The following CAMTA1 variants were observed in gnomAD, a reference collection of about 807,000 sequenced individuals.
CAMTA1 encodes calmodulin-binding transcription activator 1.
CAMTA1 carries 27 observed loss-of-function variants against 170.9 expected under a neutral mutation model. The observed-to-expected ratio is 0.16, with a 90% CI of 0.12 to 0.22. The LOEUF is 0.22. CAMTA1 is among the 10% of genes least tolerant of loss of function. CAMTA1 has a pLI of 1.00. For synonymous variants in CAMTA1, 833 were observed against 891.5 expected (o/e 0.93, Z 1.17); for missense variants, 1,619 against 2,217.2 (o/e 0.73, Z 5.42).
chr1:7,551,028 C>T (rs1194502906), intron 6 of CAMTA1, among the ~76,000 whole-genome samples: 1 of 152,198 alleles, frequency 6.6e-6, no homozygotes, highest in Non-Finnish European at 1.5e-5. Context: ...GGAACAGATG[C>T]AGAGACAACC....
intron 5 of CAMTA1, among the ~76,000 whole-genome samples, chr1:7,431,052 T>C (rs1413862992): frequency 6.6e-6 from 1 of 152,244 alleles, no homozygotes. Context: ...AACCTTGTGA[T>C]GACAGTTAAG....
chr1:7,627,770 A>G (rs748460767), intron 6 of CAMTA1, among the ~76,000 whole-genome samples: 4 of 152,210 alleles, frequency 2.6e-5, no homozygotes, highest in Non-Finnish European at 5.9e-5. Flanking sequence ...TTATGTGTAA[A>G]GCAGATGGGG....
At chr1:7,442,440 AG>A (rs1173405152) in intron 5 of CAMTA1, among the ~76,000 whole-genome samples, 3 of 152,178 alleles carry the variant, frequency 2.0e-5, no homozygotes, top group African/African-American at 7.2e-5. Context: ...AAATATGCAT[AG>A]ATGAGCAGGC....
At chr1:6,828,897 T>A (rs1010001139) in intron 3 of CAMTA1, among the ~76,000 whole-genome samples, 1 of 145,202 alleles carries the variant, frequency 6.9e-6, no homozygotes, top group African/African-American at 2.6e-5. Context: ...GTAGTTTTTT[T>A]TTTTTTTTTT....
intron 8 of CAMTA1, 48 bp from the exon 9 acceptor site, chr1:7,663,305 C>T: frequency 6.6e-7 from 1 of 1,513,170 alleles, no homozygotes; most frequent in African/African-American, 1.4e-5. Context: ...TGTGTGTGCA[C>T]ATGTGTGCCT....
rs1224872929 is a variant in CAMTA1, at chr1:7,064,766, T to C, written c.235-26538T>C. Among the ~76,000 whole-genome samples, 1 of 151,830 alleles carries C rather than the reference T, an allele frequency of 6.6e-6. No homozygotes were observed. Among genetic ancestry groups the C allele is most frequent in the African/African-American group, 2.4e-5 (1 of 41,326 alleles). On this transcript the variant is annotated intron_variant, in intron 3 of 22. Transcript: ENST00000303635. The surrounding 1 kb of genome is among the most constrained non-coding windows in gnomAD (Gnocchi z 5.4). ...GGTGGGGGAGGTGGCAGGAGTCCCA[T>C]TCGGGGCATGGTGGGGGCTGTAGGA... is the stretch of plus-strand genomic sequence containing the variant.
intron 3 of CAMTA1, among the ~76,000 whole-genome samples, chr1:7,017,787 A>T (rs1700764864): frequency 6.6e-6 from 1 of 151,976 alleles, no homozygotes; most frequent in South Asian, 2.1e-4. Flanking sequence ...CCCAAGCCTG[A>T]CCCCTGCCTG....
In CAMTA1 at chr1:6,902,072, C is replaced by CACACACA. The variant is rs3986505; in HGVS notation, c.234+76863_234+76864insCACACAA. On this transcript the variant is annotated intron_variant, in intron 3 of 22. Transcript: ENST00000303635. ...ACACACACACACACACACACACACA[C>CACACACA]AAAAAAAAAAATAAAAATAAAAACT... 2.8e-3 allele frequency among the ~76,000 whole-genome samples: 249 copies of CACACACA among 88,464 alleles called. 1 individual carries two copies. The highest frequency in any genetic ancestry group is 4.2e-3 in the South Asian group (10 of 2,356). 58.0% of individuals were successfully genotyped at this position (88,464 alleles called of 152,430 possible).
At chr1:7,517,283 A>G (rs1483194569) in intron 6 of CAMTA1, among the ~76,000 whole-genome samples, 2 of 152,300 alleles carry the variant, frequency 1.3e-5, no homozygotes, top group African/African-American at 4.8e-5. Flanking sequence ...GTCTGGTTAT[A>G]CCCTTGGGAT....
chr1:6,963,063 G>A (rs1690786073), intron 3 of CAMTA1, among the ~76,000 whole-genome samples: 1 of 150,610 alleles, frequency 6.6e-6, no homozygotes, highest in African/African-American at 2.4e-5. Flanking sequence ...CTTCTCCTCT[G>A]GACCAACCCC....
rs1008446225 is a variant in CAMTA1, at chr1:7,534,816, G to A, written c.510+66915G>A. Among the ~76,000 whole-genome samples, 2 of 152,264 alleles carry A rather than the reference G, an allele frequency of 1.3e-5. No individual in the cohort carries two copies. The highest frequency in any genetic ancestry group is 2.4e-5 in the African/African-American group (1 of 41,472). On this transcript the variant is annotated intron_variant, in intron 6 of 22. Coordinates refer to ENST00000303635, the MANE Select transcript of CAMTA1 (RefSeq NM_015215.4). This position sits in a 1 kb window ranked among gnomAD's most constrained non-coding sequence, Gnocchi z 5.6. ...CAACTTTAGAGAAAGGCCAGCGAAA[G>A]TGAGGTTTATGGCTTGTCCCTGAGG...
chr1:7,562,531 C>T lies in CAMTA1; in HGVS notation c.511-77869C>T, dbSNP rs187568310. ...CCTGCGACACCTGTCCTGCTGCTCC[C>T]CTTGACAGCTACCTGGCCCCTGACA... is the stretch of plus-strand genomic sequence containing the variant. On this transcript the variant is annotated intron_variant, in intron 6 of 22. Coordinates refer to ENST00000303635, the MANE Select transcript of CAMTA1 (RefSeq NM_015215.4). The surrounding 1 kb of genome is among the most constrained non-coding windows in gnomAD (Gnocchi z 4.8). 6.6e-6 allele frequency among the ~76,000 whole-genome samples: 1 copy of T among 152,330 alleles called. No homozygotes were observed. Among genetic ancestry groups the T allele is most frequent in the East Asian group, 1.9e-4 (1 of 5,176 alleles).
chr1:7,521,149 T>C (rs1419798733), intron 6 of CAMTA1, among the ~76,000 whole-genome samples: 1 of 152,214 alleles, frequency 6.6e-6, no homozygotes, highest in Non-Finnish European at 1.5e-5. Flanking sequence ...TTCCCGCTTT[T>C]ATTACACTTT....
intron 3 of CAMTA1, among the ~76,000 whole-genome samples, chr1:6,879,167 T>C (rs1456893990): frequency 6.6e-6 from 1 of 152,146 alleles, no homozygotes; most frequent in Non-Finnish European, 1.5e-5. Context: ...TGTCATCAAA[T>C]GTAGAGCCTG....
Position 6,965,372 on chromosome 1 carries a change from CTGT to C in CAMTA1, c.235-125927_235-125925del, listed in dbSNP as rs1256200061. Among the ~76,000 whole-genome samples the C allele has an allele frequency of 1.3e-5, 2 of 152,100 alleles. No individual in the cohort carries two copies. The highest frequency in any genetic ancestry group is 6.5e-5 in the Admixed American group (1 of 15,282). On this transcript the variant is annotated intron_variant, in intron 3 of 22. Coordinates refer to ENST00000303635, the MANE Select transcript of CAMTA1 (RefSeq NM_015215.4). This position sits in a 1 kb window ranked among gnomAD's most constrained non-coding sequence, Gnocchi z 4.1. Reference sequence around the variant, plus strand: ...CAGCTCTAACTTGAGCAGAGGCATTCTGTTGTTATAAATAAGGCTGGTTTTTAT... The same window carrying C: ...CAGCTCTAACTTGAGCAGAGGCATTCTGTTATAAATAAGGCTGGTTTTTAT...
chr1:7,477,214 G>A (rs570790231), intron 6 of CAMTA1, among the ~76,000 whole-genome samples: 3 of 152,100 alleles, frequency 2.0e-5, no homozygotes, highest in African/African-American at 4.8e-5. Context: ...AAGCCGCCTC[G>A]AAAGCTTCAT....
intron 5 of CAMTA1, among the ~76,000 whole-genome samples, chr1:7,384,146 C>T (rs960813426): frequency 7.2e-5 from 11 of 152,330 alleles, no homozygotes; most frequent in African/African-American, 2.4e-4. Context: ...CATGGGAAGG[C>T]TTCTGTGCCA....
At chr1:7,378,257 T>C (rs1006312135) in intron 5 of CAMTA1, among the ~76,000 whole-genome samples, 3 of 152,186 alleles carry the variant, frequency 2.0e-5, no homozygotes, top group African/African-American at 7.2e-5. Context: ...CTGACGGCCT[T>C]GTATGTAACT....
chr1:7,290,125 T>C (rs1672911051), intron 5 of CAMTA1, among the ~76,000 whole-genome samples: 1 of 152,170 alleles, frequency 6.6e-6, no homozygotes. Flanking sequence ...CATTGGAAAA[T>C]ACTGGGAATT....
Sources: gnomAD v4.1 joint callset for allele counts (sites outside exome capture counted in the v4.1 genomes callset) on GRCh38, gnomAD v4.1.1 for gene constraint, Gnocchi (gnomAD v3.1) non-coding constraint, MANE v1.5 for transcripts, NCBI Gene and HGNC (gene_info 2026-07-23, HGNC 2026-07-21) for gene names.